SLC12A5: variants seen among roughly 807,000 people sequenced by gnomAD.
The protein encoded by SLC12A5 is solute carrier family 12 member 5.
Under a neutral mutation model 124.0 loss-of-function variants are expected in SLC12A5, and 18 were observed. That is an observed-to-expected ratio of 0.15 (90% CI 0.10 to 0.22). The LOEUF (loss-of-function observed/expected upper bound fraction) is 0.22, where lower values mean the gene tolerates loss of function less well. Ranked by LOEUF, SLC12A5 falls within the 10% of genes least tolerant of loss-of-function variation. The pLI is 1.00. For missense variants in SLC12A5, 867 were observed against 1,478.7 expected (o/e 0.59, Z 6.78); for synonymous variants, 589 against 568.0 (o/e 1.04, Z -0.53).
chr20:46,048,205 C>A (rs2084615336), intron 16 of SLC12A5, 120 bp downstream of exon 16: 4 of 822,978 alleles, frequency 4.9e-6, no homozygotes, highest in Non-Finnish European at 7.4e-6. Context: ...CTGAGTCGTG[C>A]CCTAAAAGCC....
At chr20:46,032,085 T>C (rs1340259588) in intron 1 of SLC12A5, among the ~76,000 whole-genome samples, 1 of 152,224 alleles carries the variant, frequency 6.6e-6, no homozygotes, top group African/African-American at 2.4e-5. Flanking sequence ...CCCTCTCCCC[T>C]GCCCTCATCT....
At chr20:46,044,378 A>C (rs1037572079) in intron 11 of SLC12A5, among the ~76,000 whole-genome samples, 4 of 152,170 alleles carry the variant, frequency 2.6e-5, no homozygotes, top group African/African-American at 9.6e-5. Flanking sequence ...GTGGCCATAC[A>C]GGAAAGCCCA....
intron 18 of SLC12A5, 133 bp downstream of exon 18, chr20:46,052,003 C>T: frequency 1.3e-6 from 1 of 764,464 alleles, no homozygotes; most frequent in Non-Finnish European, 2.0e-6. Context: ...TCAGCATATG[C>T]AGGTGACAGC....
chr20:46,033,149 A>C (rs1269870596), intron 1 of SLC12A5, among the ~76,000 whole-genome samples: 1 of 152,188 alleles, frequency 6.6e-6, no homozygotes, highest in East Asian at 1.9e-4. Context: ...GTTTTATAAC[A>C]GAGACAGGCC....
At chr20:46,022,896 G>A in intron 1 of SLC12A5, 3 of 391,730 alleles carry the variant, frequency 7.7e-6, no homozygotes, top group African/African-American at 2.1e-5. Flanking sequence ...TGAGGCCCTC[G>A]GGTCTGGAAG....
chr20:46,044,557 G>A (rs2084576653), intron 11 of SLC12A5, among the ~76,000 whole-genome samples: 1 of 152,174 alleles, frequency 6.6e-6, no homozygotes, highest in South Asian at 2.1e-4. Flanking sequence ...AGCCAGGGTG[G>A]AGGGGAGAAA....
chr20:46,052,015 G>A (rs576264088), intron 18 of SLC12A5, 145 bp downstream of exon 18: 2 of 721,820 alleles, frequency 2.8e-6, no homozygotes, highest in Non-Finnish European at 4.3e-6. Context: ...GGTGACAGCA[G>A]TCAAGGCTGG....
In SLC12A5 at chr20:46,047,778, G is replaced by A. The variant is rs183291068; in HGVS notation, c.1908-203G>A. ...GAGCAGAGGCTTTGAGAAATGGACA[G>A]GAATGGTGAGAGAATGGATTTAGAA... On this transcript the variant is annotated intron_variant, in intron 15 of 25. Transcript: ENST00000243964. Among the ~76,000 whole-genome samples the A allele has an allele frequency of 1.8e-4, 27 of 152,212 alleles. No homozygotes were observed. The East Asian group carries it at 5.0e-3, about 28-fold the overall frequency.
At position 46,057,665 on chromosome 20, in the gene SLC12A5, C is replaced by T. The variant is rs965559082; in HGVS notation, c.*60C>T. The T allele has an allele frequency of 2.7e-4, 342 of 1,275,100 alleles. 1 individual carries two copies. The highest frequency in any genetic ancestry group is 3.4e-4 in the Non-Finnish European group (313 of 920,194). 79.0% of individuals were successfully genotyped at this position (1,275,100 alleles called of 1,614,324 possible). ...CGGCCCGCGGCTCCGGAGCCCTCGC[C>T]GCGCCCCCCGCCGCTGTCACCGTTT... On this transcript the variant is annotated 3_prime_UTR_variant, in exon 26 of 26. Coordinates refer to ENST00000243964, the MANE Select transcript of SLC12A5 (RefSeq NM_020708.5). The surrounding 1 kb of genome is among the most constrained non-coding windows in gnomAD (Gnocchi z 7.1).
At chr20:46,030,516 C>A (rs2084439785) in intron 1 of SLC12A5, among the ~76,000 whole-genome samples, 1 of 150,342 alleles carries the variant, frequency 6.7e-6, no homozygotes, top group African/African-American at 2.5e-5. Flanking sequence ...CTGTCAGCCA[C>A]CCCCACCCCC....
chr20:46,046,505 C>A, intron 14 of SLC12A5, 69 bp downstream of exon 14: 1 of 1,370,820 alleles, frequency 7.3e-7, no homozygotes, highest in Non-Finnish European at 1.0e-6. Context: ...CATCTTACTC[C>A]AGTCCATCCC....
At chr20:46,028,033 G>T (rs956748805), upstream of SLC12A5, among the ~76,000 whole-genome samples, 1 of 152,148 alleles carries the variant, frequency 6.6e-6, no homozygotes, top group Non-Finnish European at 1.5e-5. Flanking sequence ...GAGACTCAAA[G>T]CTTTCAAACC....
intron 2 of SLC12A5, chr20:46,023,126 G>A (rs375577787): frequency 2.5e-6 from 1 of 398,368 alleles, no homozygotes; most frequent in Non-Finnish European, 4.4e-6. Context: ...TAACCCTTAG[G>A]GGGTTATCTG....
At chr20:46,042,833 G>A (rs552760296) in intron 8 of SLC12A5, among the ~76,000 whole-genome samples, 4 of 152,222 alleles carry the variant, frequency 2.6e-5, no homozygotes, top group African/African-American at 9.6e-5. Flanking sequence ...AAAGGAGCTG[G>A]TTTGGGGTGG....
intron 8 of SLC12A5, among the ~76,000 whole-genome samples, chr20:46,041,929 G>C (rs565377201): frequency 3.3e-5 from 5 of 152,172 alleles, no homozygotes; most frequent in South Asian, 2.1e-4. Flanking sequence ...GAATGCCCGG[G>C]GGGGGAGAGT....
chr20:46,041,950 A>AAGATGGC (rs1478824210), intron 8 of SLC12A5, among the ~76,000 whole-genome samples: 2 of 152,124 alleles, frequency 1.3e-5, no homozygotes, highest in African/African-American at 4.8e-5. Flanking sequence ...TCATGTGTAT[A>AAGATGGC]AGATGGCAAT....
At chr20:46,027,259 T>G (rs1200648433), upstream of SLC12A5, among the ~76,000 whole-genome samples, 1 of 152,188 alleles carries the variant, frequency 6.6e-6, no homozygotes, top group African/African-American at 2.4e-5. Flanking sequence ...CCACAACTTG[T>G]CTGAATAGCT....
rs2084423290 is a variant in SLC12A5, at chr20:46,029,251, C to T, written c.-94C>T. ...TTCCTCCGTGGAGCGGAGAGCGAGACAGAGCTACAGCGAACGAGAGAGCGG... is the reference window on the plus strand; with the variant it reads ...TTCCTCCGTGGAGCGGAGAGCGAGATAGAGCTACAGCGAACGAGAGAGCGG... On this transcript the variant is annotated 5_prime_UTR_variant, in exon 1 of 26. Coordinates refer to ENST00000243964, the MANE Select transcript of SLC12A5 (RefSeq NM_020708.5). 2 of 1,470,728 alleles carry T rather than the reference C, an allele frequency of 1.4e-6. No individual in the cohort carries two copies. Among genetic ancestry groups the T allele is most frequent in the Non-Finnish European group, 1.8e-6 (2 of 1,110,458 alleles). The allele number at this position is 1,470,728 out of a possible 1,614,324, so 91.1% of individuals were successfully genotyped here. A position where few individuals can be genotyped will look rare whatever the true frequency, so the allele number is the denominator to read the frequency against.
chr20:46,057,043 A>G lies in SLC12A5; in HGVS notation c.3126-127A>G, dbSNP rs2084702198. On this transcript the variant is annotated intron_variant, in intron 24 of 25. Transcript: ENST00000243964. The surrounding 1 kb of genome is among the most constrained non-coding windows in gnomAD (Gnocchi z 7.1). ...TGAATAGCCTAGCCTGGAGATGTTTAGGATTGGTGGTCCTAGGCTTGCAAG... is the reference window on the plus strand; with the variant it reads ...TGAATAGCCTAGCCTGGAGATGTTTGGGATTGGTGGTCCTAGGCTTGCAAG... 1 of 1,589,550 alleles carries G rather than the reference A, an allele frequency of 6.3e-7. No homozygotes were observed. The highest frequency in any genetic ancestry group is 1.7e-5 in the Admixed American group (1 of 59,112).
Sources: allele counts gnomAD v4.1 joint callset (sites outside exome capture counted in the v4.1 genomes callset), GRCh38; gene constraint gnomAD v4.1.1; non-coding constraint Gnocchi (gnomAD v3.1); transcripts MANE v1.5; gene names NCBI Gene and HGNC (gene_info 2026-07-23, HGNC 2026-07-21).